The following SLC25A21 variants were observed in gnomAD, a reference collection of about 807,000 sequenced individuals.
SLC25A21 encodes mitochondrial 2-oxodicarboxylate carrier.
A neutral mutation model predicts 43.8 loss-of-function variants in SLC25A21; 47 were observed. That is an observed-to-expected ratio of 1.07 (90% confidence interval 0.85 to 1.37). SLC25A21 has a LOEUF of 1.37. Among genes scored for constraint, SLC25A21 ranks in the 40% most tolerant of loss-of-function variants. The probability of loss-of-function intolerance (pLI) is 0.00; values close to 1 mark genes in which losing one functional copy is unlikely to be tolerated. For synonymous variants in SLC25A21, 131 were observed against 121.3 expected, an observed-to-expected ratio of 1.08 and a Z score of -0.52; for missense variants, 352 against 350.2, an observed-to-expected ratio of 1.00 and a Z score of -0.04.
At chr14:36,806,984 G>A (rs1888064286) in intron 3 of SLC25A21, 1 of 152,178 alleles carries the variant, frequency 6.6e-6, no homozygotes. Flanking sequence ...GTACCAGGAA[G>A]GGCCTCTTTG....
chr14:36,892,598 G>C (rs961906674), intron 1 of SLC25A21, among the ~76,000 whole-genome samples: 1 of 151,872 alleles, frequency 6.6e-6, no homozygotes, highest in Non-Finnish European at 1.5e-5. Context: ...TGCACAATGT[G>C]CAGGTTAGTT....
chr14:36,703,011 G>A (rs4904457), intron 7 of SLC25A21, among the ~76,000 whole-genome samples: 24,239 of 152,058 alleles, frequency 0.16, 2,674 homozygotes, highest in East Asian at 0.3. Context: ...ACATATCCTG[G>A]AATTTTATAG....
intron 3 of SLC25A21, among the ~76,000 whole-genome samples, chr14:36,807,767 T>C (rs936916398): frequency 6.6e-6 from 1 of 152,184 alleles, no homozygotes; most frequent in African/African-American, 2.4e-5. Context: ...TGTAGAGCTG[T>C]GGGCATCACA....
At chr14:36,832,438 C>T (rs766827204) in intron 2 of SLC25A21, among the ~76,000 whole-genome samples, 2 of 152,030 alleles carry the variant, frequency 1.3e-5, no homozygotes, top group Non-Finnish European at 2.9e-5. Context: ...CATAAATATC[C>T]TATTGCTTTG....
At chr14:36,730,297 ACATTTCCCCC>A (rs2139220907) in intron 4 of SLC25A21, among the ~76,000 whole-genome samples, 1 of 152,344 alleles carries the variant, frequency 6.6e-6, no homozygotes, top group Non-Finnish European at 1.5e-5. Flanking sequence ...TTCATATAAT[ACATTTCCCCC>A]CTTTTTTCTT....
At position 36,740,259 on chromosome 14, in the gene SLC25A21, T is replaced by A. The variant is rs111883924; in HGVS notation, c.204-5686A>T. Among the ~76,000 whole-genome samples, 1,461 of 152,272 alleles carry A rather than the reference T, an allele frequency of 9.6e-3. 13 individuals carry two copies. Among genetic ancestry groups the A allele is most frequent in the Middle Eastern group, 0.024 (7 of 294 alleles). On this transcript the variant is annotated intron_variant, in intron 3 of 9. Transcript: ENST00000331299. ...CAGATTGTTTATGCTGGGGAGCCCATCACACATAAAACCCCATCCCATTAG... is the reference window on the plus strand; with the variant it reads ...CAGATTGTTTATGCTGGGGAGCCCAACACACATAAAACCCCATCCCATTAG...
intron 2 of SLC25A21, among the ~76,000 whole-genome samples, chr14:36,858,444 G>A (rs1889967537): frequency 6.6e-6 from 1 of 152,200 alleles, no homozygotes; most frequent in African/African-American, 2.4e-5. Context: ...ATGGGAGAAT[G>A]ACAGAATGAC....
chr14:36,891,769 A>G (rs1471922340), intron 1 of SLC25A21, among the ~76,000 whole-genome samples: 1 of 152,138 alleles, frequency 6.6e-6, no homozygotes, highest in African/African-American at 2.4e-5. Context: ...ATGTCTCTTC[A>G]ATACCCGATT....
At chr14:36,819,119 G>A (rs920458789) in intron 2 of SLC25A21, among the ~76,000 whole-genome samples, 5 of 152,152 alleles carry the variant, frequency 3.3e-5, no homozygotes, top group South Asian at 2.1e-4. Flanking sequence ...CTTAACATCC[G>A]ATCAGAATCA....
chr14:36,738,531 C>T (rs991695051), intron 3 of SLC25A21, among the ~76,000 whole-genome samples: 1 of 152,152 alleles, frequency 6.6e-6, no homozygotes, highest in Non-Finnish European at 1.5e-5. Context: ...ATGAATGGAT[C>T]GTGGGATTCT....
At chr14:36,730,013 T>C (rs1175494923) in intron 4 of SLC25A21, among the ~76,000 whole-genome samples, 1 of 152,220 alleles carries the variant, frequency 6.6e-6, no homozygotes, top group Non-Finnish European at 1.5e-5. Flanking sequence ...GCATTTCTAT[T>C]GTGGTGTCTC....
intron 2 of SLC25A21, chr14:36,871,003 G>A (rs1890354538): frequency 6.6e-6 from 1 of 152,200 alleles, no homozygotes; most frequent in African/African-American, 2.4e-5. Flanking sequence ...CTAACCACCA[G>A]GGTGAGACCG....
intron 1 of SLC25A21, among the ~76,000 whole-genome samples, chr14:37,144,949 G>GTTC (rs1158937279): frequency 1.3e-5 from 2 of 151,080 alleles, no homozygotes; most frequent in Non-Finnish European, 3.0e-5. Flanking sequence ...TGTTGTTGTT[G>GTTC]TTGTTGTTTG....
At chr14:36,900,488 A>G (rs1891369144) in intron 1 of SLC25A21, among the ~76,000 whole-genome samples, 1 of 152,220 alleles carries the variant, frequency 6.6e-6, no homozygotes, top group Non-Finnish European at 1.5e-5. Context: ...TACCCTATCT[A>G]ACTTTTAATC....
chr14:37,030,544 T>C (rs890689256), intron 1 of SLC25A21, among the ~76,000 whole-genome samples: 1 of 152,342 alleles, frequency 6.6e-6, no homozygotes, highest in East Asian at 1.9e-4. Context: ...ACCATGTACA[T>C]ACTTTCCATT....
intron 2 of SLC25A21, among the ~76,000 whole-genome samples, chr14:36,859,170 G>A (rs1889992100): frequency 6.6e-6 from 1 of 152,066 alleles, no homozygotes; most frequent in Non-Finnish European, 1.5e-5. Flanking sequence ...GCTAATCCTG[G>A]TTGTCTTTTA....
chr14:37,113,293 AG>A (rs1963052261), intron 1 of SLC25A21, among the ~76,000 whole-genome samples: 1 of 152,194 alleles, frequency 6.6e-6, no homozygotes, highest in Non-Finnish European at 1.5e-5. Flanking sequence ...TTTGCTTAGC[AG>A]GATGGATTTG....
At chr14:36,918,416 A>G (rs1891890038) in intron 1 of SLC25A21, among the ~76,000 whole-genome samples, 1 of 152,168 alleles carries the variant, frequency 6.6e-6, no homozygotes, top group African/African-American at 2.4e-5. Context: ...CAAACATCCC[A>G]GTTTCCTAAA....
intron 3 of SLC25A21, among the ~76,000 whole-genome samples, chr14:36,776,238 C>CTTTTTTTTTTTTTTTTTT (rs35856297): frequency 2.2e-5 from 2 of 89,902 alleles, no homozygotes; most frequent in Non-Finnish European, 3.9e-5. Flanking sequence ...TTCTTTCTTT[C>CTTTTTTTTTTTTTTTTTT]TTTTTTTTTT....
Sources: allele counts gnomAD v4.1 joint callset (sites outside exome capture counted in the v4.1 genomes callset), GRCh38; gene constraint gnomAD v4.1.1; transcripts MANE v1.5; gene names NCBI Gene and HGNC (gene_info 2026-07-23, HGNC 2026-07-21).